CLYBL: variants seen among roughly 807,000 people sequenced by gnomAD.
The protein encoded by CLYBL is citramalyl-CoA lyase, also known as citramalyl-CoA lyase, mitochondrial.
Under a neutral mutation model 38.9 loss-of-function variants are expected in CLYBL, and 31 were observed. The ratio of observed to expected loss-of-function variants is 0.80; its 90% confidence interval spans 0.60 to 1.08. The LOEUF (loss-of-function observed/expected upper bound fraction) is 1.08. CLYBL is among the 50% of genes least tolerant of loss of function. The pLI, the probability that CLYBL is intolerant of heterozygous loss-of-function variation, is 0.00. For missense variants in CLYBL, 434 were observed against 411.6 expected, an observed-to-expected ratio of 1.05 and a Z score of -0.47; for synonymous variants, 171 against 158.6, an observed-to-expected ratio of 1.08 and a Z score of -0.59.
At chr13:99,747,916 GT>G (rs1472086641) in intron 1 of CLYBL, among the ~76,000 whole-genome samples, 2 of 152,108 alleles carry the variant, frequency 1.3e-5, no homozygotes, top group African/African-American at 4.8e-5. Flanking sequence ...AATAGATGGG[GT>G]AATTTTATTT....
At chr13:99,723,694 C>A (rs1330028057) in intron 1 of CLYBL, among the ~76,000 whole-genome samples, 1 of 152,108 alleles carries the variant, frequency 6.6e-6, no homozygotes, top group Non-Finnish European at 1.5e-5. Flanking sequence ...CTTAGTCTCT[C>A]TATAAGAATT....
intron 1 of CLYBL, among the ~76,000 whole-genome samples, chr13:99,700,187 T>G (rs536392143): frequency 6.6e-6 from 1 of 152,060 alleles, no homozygotes; most frequent in African/African-American, 2.4e-5. Flanking sequence ...GTGCAGTGGC[T>G]CACACCTGTA....
chr13:99,721,584 C>T (rs1594138296), intron 1 of CLYBL, among the ~76,000 whole-genome samples: 3 of 151,078 alleles, frequency 2.0e-5, no homozygotes, highest in East Asian at 1.9e-4. Context: ...CCCATTAACT[C>T]GTCATTTACA....
At chr13:99,802,092 G>A (rs1329052809) in intron 2 of CLYBL, among the ~76,000 whole-genome samples, 1 of 152,154 alleles carries the variant, frequency 6.6e-6, no homozygotes, top group Non-Finnish European at 1.5e-5. Flanking sequence ...TTGGGCTGCT[G>A]TAACAAAACA....
At chr13:99,753,611 C>T (rs1566312930) in intron 1 of CLYBL, among the ~76,000 whole-genome samples, 2 of 152,184 alleles carry the variant, frequency 1.3e-5, no homozygotes, top group Admixed American at 6.6e-5. Flanking sequence ...TTTATTGATA[C>T]ATTTACCTAC....
chr13:99,611,309 T>C (rs971174795), intron 1 of CLYBL, among the ~76,000 whole-genome samples: 3 of 152,230 alleles, frequency 2.0e-5, no homozygotes, highest in Non-Finnish European at 2.9e-5. Context: ...TTTTCAAAGG[T>C]CCTTTTTCTG....
intron 1 of CLYBL, among the ~76,000 whole-genome samples, chr13:99,609,353 T>C (rs1000506786): frequency 1.3e-5 from 2 of 151,832 alleles, no homozygotes; most frequent in African/African-American, 4.8e-5. Flanking sequence ...ATTTTTGTAT[T>C]TTTAGTAGAG....
Position 99,865,077 on chromosome 13 carries a change from T to TTAA in CLYBL, c.634+168_634+169insATA, listed in dbSNP as rs1438681560. 2 of 670,678 alleles carry TTAA rather than the reference T, an allele frequency of 3.0e-6. No individual in the cohort carries two copies. Among genetic ancestry groups the TTAA allele is most frequent in the Non-Finnish European group, 2.8e-6 (1 of 357,384 alleles). The allele number at this position is 670,678 out of a possible 1,614,324, so 41.5% of individuals were successfully genotyped here. A position where few individuals can be genotyped will look rare whatever the true frequency, so the allele number is the denominator to read the frequency against. On this transcript the variant is annotated intron_variant, in intron 5 of 8. Coordinates refer to ENST00000339105, the MANE Select transcript of CLYBL (RefSeq NM_206808.5). The surrounding 1 kb of genome is among the most constrained non-coding windows in gnomAD (Gnocchi z 4.7). ...GGAATGGACACTACTTCCTGATAATTTAGGGCTCCTCATAGCTGCCCTGCT... is the reference window on the plus strand; with the variant it reads ...GGAATGGACACTACTTCCTGATAATTTAATAGGGCTCCTCATAGCTGCCCTGCT...
intron 1 of CLYBL, among the ~76,000 whole-genome samples, chr13:99,759,298 T>C (rs1283825205): frequency 6.6e-6 from 1 of 152,156 alleles, no homozygotes; most frequent in Non-Finnish European, 1.5e-5. Context: ...AAATGTGTGA[T>C]GGAAAGCAGG....
chr13:99,772,924 G>T lies in CLYBL; in HGVS notation c.163G>T (p.Asp55Tyr), dbSNP rs1265030189. 6.2e-7 allele frequency: 1 copy of T among 1,613,840 alleles called. No individual in the cohort carries two copies. Among genetic ancestry groups the T allele is most frequent in the Non-Finnish European group, 8.5e-7 (1 of 1,179,938 alleles). ...RRAVLYVPGN[D>Y]EKKIKKIPSL... is the part of the protein sequence containing the mutation. ...GGCAGTGCTTTATGTACCTGGAAAT[G>T]ATGAAAAGAAAATAAAGAAGATTCC... is the stretch of plus-strand genomic sequence containing the variant. Residue 55 changes from aspartate (D) to tyrosine (Y), a missense_variant, in exon 2 of 9, where the codon GAT becomes TAT. Transcript: ENST00000339105.
intron 1 of CLYBL, among the ~76,000 whole-genome samples, chr13:99,691,547 G>A (rs561502055): frequency 6.6e-6 from 1 of 151,728 alleles, no homozygotes; most frequent in South Asian, 2.1e-4. Context: ...GTGTTAGATT[G>A]AGTCATATGA....
In CLYBL at chr13:99,859,023, G is replaced by T; in HGVS notation, c.412G>T (p.Val138Leu). The change falls in exon 3 of 9, where the codon GTG becomes TTG. Residue 138 changes from valine to leucine, a missense_variant. Coordinates refer to ENST00000339105, the MANE Select transcript of CLYBL (RefSeq NM_206808.5). Reference protein sequence around the residue: ...VLPSSLMLPKVESPEEIQWFA... With the variant: ...VLPSSLMLPKLESPEEIQWFA... ...TCCTTCCAGCCTGATGCTACCAAAG[G>T]TGGAAAGTCCTGAAGAAATCCAGTG... 1 of 1,613,704 alleles carries T rather than the reference G, an allele frequency of 6.2e-7. No homozygotes were observed. Among genetic ancestry groups the T allele is most frequent in the East Asian group, 2.2e-5 (1 of 44,866 alleles).
At chr13:99,767,148 G>A (rs559891807) in intron 1 of CLYBL, among the ~76,000 whole-genome samples, 1 of 152,308 alleles carries the variant, frequency 6.6e-6, no homozygotes, top group South Asian at 2.1e-4. Flanking sequence ...AAATGTTTTT[G>A]CATGCCTGGT....
chr13:99,900,196 G>A (rs534605611), downstream of CLYBL, among the ~76,000 whole-genome samples: 7 of 106,694 alleles, frequency 6.6e-5, no homozygotes, highest in South Asian at 1.7e-3. Flanking sequence ...CAAAGTGCTG[G>A]GATTACACAC....
At chr13:99,765,937 G>A (rs929019894) in intron 1 of CLYBL, among the ~76,000 whole-genome samples, 10 of 148,936 alleles carry the variant, frequency 6.7e-5, no homozygotes, top group Non-Finnish European at 1.5e-4. Flanking sequence ...CTGCAGTCTC[G>A]AACTCCTGGG....
At chr13:99,697,610 A>G (rs2047999170) in intron 1 of CLYBL, among the ~76,000 whole-genome samples, 1 of 144,118 alleles carries the variant, frequency 6.9e-6, no homozygotes, top group South Asian at 2.2e-4. Context: ...TTGGCTTCCC[A>G]AAGTGCTGGG....
At chr13:99,886,252 C>G (rs2052346619) in intron 7 of CLYBL, among the ~76,000 whole-genome samples, 1 of 152,146 alleles carries the variant, frequency 6.6e-6, no homozygotes, top group Non-Finnish European at 1.5e-5. Flanking sequence ...TTTGTGGTTT[C>G]TAGAAAATTA....
At chr13:99,760,824 C>G (rs920810065) in intron 1 of CLYBL, among the ~76,000 whole-genome samples, 8 of 152,326 alleles carry the variant, frequency 5.3e-5, no homozygotes, top group African/African-American at 1.9e-4. Flanking sequence ...GCACCATACT[C>G]AGGATATCTG....
intron 2 of CLYBL, among the ~76,000 whole-genome samples, chr13:99,806,420 T>C (rs76802142): frequency 0.03 from 4,509 of 152,356 alleles, 89 homozygotes; most frequent in South Asian, 0.045. Flanking sequence ...GTTTCATATG[T>C]ATTTTGTCTC....
Sources: gnomAD v4.1 joint callset for allele counts (sites outside exome capture counted in the v4.1 genomes callset) on GRCh38, gnomAD v4.1.1 for gene constraint, Gnocchi (gnomAD v3.1) non-coding constraint, MANE v1.5 for transcripts, NCBI Gene and HGNC (gene_info 2026-07-23, HGNC 2026-07-21) for gene names.